The following CMSS1 variants were observed in gnomAD, a reference collection of about 807,000 sequenced individuals.
The protein encoded by CMSS1 is protein CMSS1.
A neutral mutation model predicts 43.5 loss-of-function variants in CMSS1; 33 were observed. The ratio of observed to expected loss-of-function variants is 0.76; its 90% CI spans 0.57 to 1.01. The LOEUF is 1.01. Ranked by LOEUF, CMSS1 falls within the 50% of genes least tolerant of loss-of-function variation. CMSS1 has a pLI of 0.00. For synonymous variants in CMSS1, 115 were observed against 117.2 expected (o/e 0.98, Z 0.12); for missense variants, 313 against 326.4 (o/e 0.96, Z 0.32).
intron 1 of CMSS1, among the ~76,000 whole-genome samples, chr3:100,069,618 T>C (rs767232413): frequency 8.5e-5 from 13 of 152,174 alleles, no homozygotes; most frequent in Non-Finnish European, 1.0e-4. Context: ...CAGTTTATAC[T>C]CTTAAGAATT....
intron 1 of CMSS1, among the ~76,000 whole-genome samples, chr3:100,002,724 G>T (rs1156909339): frequency 1.3e-5 from 2 of 152,186 alleles, no homozygotes; most frequent in Non-Finnish European, 2.9e-5. Flanking sequence ...GGGGCCTGTG[G>T]ACCTGGAGTG....
chr3:99,866,357 G>A (rs1944518116), intron 1 of CMSS1, among the ~76,000 whole-genome samples: 1 of 152,068 alleles, frequency 6.6e-6, no homozygotes, highest in South Asian at 2.1e-4. Context: ...GGTATGCTTG[G>A]GAAACCAAAC....
chr3:99,975,970 C>T (rs1031926005), intron 1 of CMSS1, among the ~76,000 whole-genome samples: 10 of 152,112 alleles, frequency 6.6e-5, no homozygotes, highest in African/African-American at 2.4e-4. Context: ...CTGCAACCTC[C>T]GCCTCCTGGG....
chr3:99,952,992 G>A (rs969359807), intron 1 of CMSS1, among the ~76,000 whole-genome samples: 1 of 152,164 alleles, frequency 6.6e-6, no homozygotes, highest in Non-Finnish European at 1.5e-5. Flanking sequence ...ACTGAACTGA[G>A]TGGTCTCTGA....
intron 1 of CMSS1, among the ~76,000 whole-genome samples, chr3:99,955,261 G>A (rs1307561372): frequency 6.6e-6 from 1 of 152,176 alleles, no homozygotes; most frequent in Non-Finnish European, 1.5e-5. Flanking sequence ...ATGGAACAGA[G>A]CTATTAGCAA....
intron 1 of CMSS1, among the ~76,000 whole-genome samples, chr3:100,047,649 A>T (rs1471618813): frequency 1.3e-5 from 2 of 152,210 alleles, no homozygotes; most frequent in Non-Finnish European, 2.9e-5. Context: ...AAGAGACAGT[A>T]GAGTTTTGTC....
chr3:100,166,815 T>C (rs1426299714), intron 5 of CMSS1, among the ~76,000 whole-genome samples: 9 of 152,164 alleles, frequency 5.9e-5, no homozygotes, highest in Non-Finnish European at 1.3e-4. Flanking sequence ...CACAGCTCAG[T>C]GGAGCCTCAA....
chr3:100,148,305 C>A (rs146373800), intron 2 of CMSS1, among the ~76,000 whole-genome samples: 23 of 152,284 alleles, frequency 1.5e-4, no homozygotes, highest in East Asian at 5.8e-4. Context: ...TCTCGAACTT[C>A]TGGGCTCAAG....
intron 2 of CMSS1, among the ~76,000 whole-genome samples, chr3:100,147,847 T>C (rs2066867454): frequency 6.6e-6 from 1 of 152,166 alleles, no homozygotes; most frequent in Admixed American, 6.5e-5. Context: ...ATTACCAGAA[T>C]TGGCCATTTG....
chr3:100,122,676 C>T (rs1436067603), intron 1 of CMSS1, among the ~76,000 whole-genome samples: 3 of 152,210 alleles, frequency 2.0e-5, no homozygotes, highest in Non-Finnish European at 2.9e-5. Context: ...TAACCCCTCT[C>T]CCCCTTATTC....
In CMSS1 at chr3:100,132,638, T is replaced by C. The variant is rs574870124; in HGVS notation, c.65-14335T>C. 3.3e-5 allele frequency among the ~76,000 whole-genome samples: 5 copies of C among 151,736 alleles called. No individual in the cohort carries two copies. The South Asian group carries it at 1.0e-3, about 32-fold the overall frequency. On this transcript the variant is annotated intron_variant, in intron 1 of 9. Coordinates refer to ENST00000421999, the MANE Select transcript of CMSS1 (RefSeq NM_032359.4). ...ATCAAGACCATCCTGGCTAACATGGTGAAACCCCGTCTCTACTAAAAATAC... is the reference window on the plus strand; with the variant it reads ...ATCAAGACCATCCTGGCTAACATGGCGAAACCCCGTCTCTACTAAAAATAC...
intron 1 of CMSS1, among the ~76,000 whole-genome samples, chr3:100,133,974 T>C (rs1207218876): frequency 1.3e-5 from 2 of 152,218 alleles, no homozygotes; most frequent in Admixed American, 6.5e-5. Flanking sequence ...AATAGTATAA[T>C]AGGTAGTTGA....
chr3:100,149,454 T>G (rs1559772027), intron 2 of CMSS1, among the ~76,000 whole-genome samples: 2 of 152,244 alleles, frequency 1.3e-5, no homozygotes, highest in African/African-American at 4.8e-5. Flanking sequence ...ATTGCTATTT[T>G]CTGCCAAGCA....
intron 1 of CMSS1, among the ~76,000 whole-genome samples, chr3:99,973,511 A>G (rs1708883313): frequency 2.0e-5 from 3 of 152,300 alleles, no homozygotes; most frequent in South Asian, 4.1e-4. Flanking sequence ...TTATTTTGAA[A>G]GTTTAAGCTT....
At chr3:99,825,906 T>A (rs1413441522) in intron 1 of CMSS1, among the ~76,000 whole-genome samples, 1 of 151,598 alleles carries the variant, frequency 6.6e-6, no homozygotes, top group Non-Finnish European at 1.5e-5. Flanking sequence ...GCCTCCTAAG[T>A]AGCTGGGACT....
chr3:99,967,657 C>T (rs1424740774), intron 1 of CMSS1, among the ~76,000 whole-genome samples: 2 of 152,280 alleles, frequency 1.3e-5, no homozygotes, highest in East Asian at 1.9e-4. Flanking sequence ...TTTTTGATAA[C>T]GTTCTTTGGG....
intron 1 of CMSS1, among the ~76,000 whole-genome samples, chr3:100,087,030 A>G (rs2066020885): frequency 6.6e-6 from 1 of 152,216 alleles, no homozygotes. Flanking sequence ...GTGTACCAAC[A>G]GTTTGTTCCT....
intron 1 of CMSS1, among the ~76,000 whole-genome samples, chr3:99,904,749 G>A (rs893975704): frequency 2.0e-5 from 3 of 151,942 alleles, no homozygotes; most frequent in Non-Finnish European, 4.4e-5. Flanking sequence ...TCTCTTCTGC[G>A]AGACTTCGTT....
At chr3:99,867,291 A>G (rs751157405) in intron 1 of CMSS1, among the ~76,000 whole-genome samples, 7 of 152,170 alleles carry the variant, frequency 4.6e-5, no homozygotes, top group Non-Finnish European at 1.0e-4. Flanking sequence ...GTGGCAGTTA[A>G]AGAAATGGCT....
Sources: allele counts gnomAD v4.1 joint callset (sites outside exome capture counted in the v4.1 genomes callset), GRCh38; gene constraint gnomAD v4.1.1; transcripts MANE v1.5; gene names NCBI Gene and HGNC (gene_info 2026-07-23, HGNC 2026-07-21).